Variants in ALDH18A1 observed in about 807,000 individuals in gnomAD.
ALDH18A1 encodes the protein aldehyde dehydrogenase 18 family member A1.
In ALDH18A1, 44 loss-of-function variants were observed where a neutral mutation model predicts 88.8. That is an observed-to-expected ratio of 0.50 (90% CI 0.39 to 0.64). ALDH18A1 has a LOEUF of 0.64. ALDH18A1 is among the 30% of genes least tolerant of loss of function. The pLI, the probability that ALDH18A1 is intolerant of heterozygous loss-of-function variation, is 0.00. For missense variants in ALDH18A1, 782 were observed against 1,009.5 expected (o/e 0.77, Z 3.05); for synonymous variants, 331 against 372.1 (o/e 0.89, Z 1.27).
Position 95,606,134 on chromosome 10 carries a change from G to T in ALDH18A1, c.*628C>A. On this transcript the variant is annotated 3_prime_UTR_variant, in exon 18 of 18. Transcript: ENST00000371224. The stretch of plus-strand genomic sequence containing the variant: ...AAACTTGCATCTCCTGCTGCAGCTT[G>T]GGTTCCAGCTGCATCACGGGGAACA... 2 of 528,744 alleles carry T rather than the reference G, an allele frequency of 3.8e-6. No individual in the cohort carries two copies. Among genetic ancestry groups the T allele is most frequent in the South Asian group, 8.2e-5 (1 of 12,140 alleles). The allele number at this position is 528,744 out of a possible 1,614,324, so 32.8% of individuals were successfully genotyped here. A position where few individuals can be genotyped will look rare whatever the true frequency, so the allele number is the denominator to read the frequency against.
intron 17 of ALDH18A1, among the ~76,000 whole-genome samples, chr10:95,608,629 G>A (rs1292471240): frequency 2.0e-5 from 3 of 152,158 alleles, no homozygotes; most frequent in African/African-American, 7.2e-5. Flanking sequence ...AGCCTCCTGA[G>A]TAACTGGGAC....
chr10:95,639,895 C>A (rs1054644791), intron 3 of ALDH18A1, among the ~76,000 whole-genome samples: 5 of 150,130 alleles, frequency 3.3e-5, no homozygotes, highest in African/African-American at 4.9e-5. Context: ...TTTGTATACC[C>A]TATAAACTGC....
rs753823851 is a variant in ALDH18A1 at position 95,621,135 on chromosome 10, A to G, written c.1363T>C (p.Leu455=). ...TTTTTGGCGATTCGGGTGCGGCGCA[A>G]AACACGTCCCACGCTGTCCTGGGAG... ...ASSQDSVGRV[L]RRTRIAKNLE... The change falls in exon 12 of 18, where the codon TTG becomes CTG. Residue 455 remains leucine (L), a synonymous_variant. Transcript: ENST00000371224. The G allele has an allele frequency of 8.1e-6, 13 of 1,613,904 alleles. No individual in the cohort carries two copies. The highest frequency in any genetic ancestry group is 1.6e-4 in the Middle Eastern group (1 of 6,084).
In ALDH18A1 at chr10:95,639,940, C is replaced by A. The variant is rs2097888273; in HGVS notation, c.304-2504G>T. On this transcript the variant is annotated intron_variant, in intron 3 of 17. Transcript: ENST00000371224. Reference sequence around the variant, plus strand: ...TGAAGGCTTTTTTTTTTTTCCCCAACAAGTCTTTATAAGTTGTGGTGTACA... The same window carrying A: ...TGAAGGCTTTTTTTTTTTTCCCCAAAAAGTCTTTATAAGTTGTGGTGTACA... Among the ~76,000 whole-genome samples the A allele has an allele frequency of 2.7e-5, 4 of 150,684 alleles. No individual in the cohort carries two copies. The South Asian group carries it at 8.3e-4, about 31-fold the overall frequency.
intron 1 of ALDH18A1, among the ~76,000 whole-genome samples, chr10:95,655,783 T>A (rs1279231478): frequency 6.6e-6 from 1 of 152,130 alleles, no homozygotes; most frequent in African/African-American, 2.4e-5. Context: ...TATCATCAGT[T>A]GAAGAAAGTT....
At chr10:95,634,003 C>T (rs2097875996) in intron 5 of ALDH18A1, among the ~76,000 whole-genome samples, 2 of 151,860 alleles carry the variant, frequency 1.3e-5, no homozygotes, top group South Asian at 2.1e-4. Flanking sequence ...GACAGGGTTT[C>T]GCCATGTTGG....
At chr10:95,633,227 T>C (rs2097874067) in intron 6 of ALDH18A1, among the ~76,000 whole-genome samples, 178 bp from the exon 7 acceptor site, 1 of 152,210 alleles carries the variant, frequency 6.6e-6, no homozygotes, top group Admixed American at 6.5e-5. Context: ...CACTGTCTAC[T>C]GGCAATCCTT....
At chr10:95,636,150 C>T (rs1183927231) in intron 5 of ALDH18A1, among the ~76,000 whole-genome samples, 2 of 150,660 alleles carry the variant, frequency 1.3e-5, no homozygotes, top group African/African-American at 2.4e-5. Flanking sequence ...GATGGAGAAA[C>T]AAAAAAAAGT....
Position 95,628,822 on chromosome 10 carries a change from C to T in ALDH18A1, c.809-330G>A, listed in dbSNP as rs10882644. 105,351 of 361,078 alleles carry T rather than the reference C, an allele frequency of 0.29. 17,447 individuals carry two copies. Among genetic ancestry groups the T allele is most frequent in the Admixed American group, 0.4 (10,193 of 25,212 alleles). 22.4% of individuals were successfully genotyped at this position (361,078 alleles called of 1,614,324 possible). On this transcript the variant is annotated intron_variant, in intron 7 of 17. Coordinates refer to ENST00000371224, the MANE Select transcript of ALDH18A1 (RefSeq NM_002860.4). ...AATTCTGCCATTGCTACTTATGATG[C>T]TGTGCTTTAAGGACAGAACTGAAAA...
At chr10:95,633,756 C>T in intron 5 of ALDH18A1, 107 bp from the exon 6 acceptor site, 1 of 1,150,404 alleles carries the variant, frequency 8.7e-7, no homozygotes, top group Middle Eastern at 2.4e-4. Flanking sequence ...GTTTCTGGGG[C>T]CCCACACAGA....
intron 1 of ALDH18A1, among the ~76,000 whole-genome samples, chr10:95,656,037 G>GA (rs2097917511): frequency 6.6e-6 from 1 of 152,096 alleles, no homozygotes; most frequent in Admixed American, 6.5e-5. Context: ...GCTGTAACAG[G>GA]AAGACCCCAG....
At chr10:95,649,003 T>C (rs920599412) in intron 2 of ALDH18A1, among the ~76,000 whole-genome samples, 1 of 152,138 alleles carries the variant, frequency 6.6e-6, no homozygotes. Flanking sequence ...AGGAAAGAGA[T>C]TTTTCTGTCT....
chr10:95,637,549 G>A (rs2097883189), intron 3 of ALDH18A1, 113 bp from the exon 4 acceptor site: 10 of 1,246,838 alleles, frequency 8.0e-6, no homozygotes, highest in Non-Finnish European at 9.1e-6. Context: ...GCTGGTTTAT[G>A]AACCAGCATG....
intron 5 of ALDH18A1, among the ~76,000 whole-genome samples, chr10:95,634,055 C>T (rs972105472): frequency 5.3e-5 from 8 of 152,106 alleles, no homozygotes; most frequent in Admixed American, 2.0e-4. Context: ...GATGGGATTA[C>T]AGGTGTGATC....
intron 11 of ALDH18A1, among the ~76,000 whole-genome samples, chr10:95,623,457 G>C: frequency 6.6e-6 from 1 of 152,016 alleles, no homozygotes; most frequent in African/African-American, 2.4e-5. Flanking sequence ...GCTCAGGCTG[G>C]AGTGCAGTAG....
chr10:95,610,678 C>A (rs1008377046), intron 16 of ALDH18A1, among the ~76,000 whole-genome samples: 4 of 152,184 alleles, frequency 2.6e-5, no homozygotes, highest in Non-Finnish European at 4.4e-5. Context: ...CATGACCTAG[C>A]TGATAGGGTT....
chr10:95,649,643 T>C (rs11596976), intron 2 of ALDH18A1, among the ~76,000 whole-genome samples: 116,051 of 151,846 alleles, frequency 0.76, 45,212 homozygotes, highest in Middle Eastern at 0.86. Context: ...GCGTGAGCCA[T>C]CAGGCCCAAC....
intron 6 of ALDH18A1, 84 bp downstream of exon 6, chr10:95,633,407 G>C: frequency 6.5e-7 from 1 of 1,533,024 alleles, no homozygotes; most frequent in Non-Finnish European, 8.9e-7. Flanking sequence ...TCTTGTTTAT[G>C]CCAAACTTCT....
Position 95,611,291 on chromosome 10 carries a change from C to T in ALDH18A1, c.2075G>A (p.Gly692Asp). Residue 692 changes from glycine to aspartate, a missense_variant, in exon 16 of 18, where the codon GGC becomes GAC. Transcript: ENST00000371224. ...QDAIDHIHKY[G>D]SSHTDVIVTE... The stretch of plus-strand genomic sequence containing the variant: ...GACGATGACATCCGTGTGGGAGCTG[C>T]CATACTTGTGGATGTGGTCAATGGC... The T allele has an allele frequency of 6.2e-7, 1 of 1,614,164 alleles. No homozygotes were observed. Among genetic ancestry groups the T allele is most frequent in the Non-Finnish European group, 8.5e-7 (1 of 1,180,018 alleles).
Sources: gnomAD v4.1 joint callset for allele counts (sites outside exome capture counted in the v4.1 genomes callset) on GRCh38, gnomAD v4.1.1 for gene constraint, MANE v1.5 for transcripts, NCBI Gene and HGNC (gene_info 2026-07-23, HGNC 2026-07-21) for gene names.